Variants in COG5 observed in about 807,000 individuals in gnomAD.
The protein encoded by COG5 is component of oligomeric golgi complex 5, also known as conserved oligomeric Golgi complex subunit 5.
In COG5, 86 loss-of-function variants were observed where a neutral mutation model predicts 110.4. The ratio of observed to expected loss-of-function variants is 0.78; its 90% confidence interval spans 0.65 to 0.93. The LOEUF (loss-of-function observed/expected upper bound fraction) is 0.93, where lower values mean the gene tolerates loss of function less well. COG5 is among the 40% of genes least tolerant of loss of function. COG5 has a pLI of 0.00. For missense variants in COG5, 1,077 were observed against 987.0 expected (o/e 1.09, Z -1.22); for synonymous variants, 360 against 334.6 (o/e 1.08, Z -0.83).
In COG5 at chr7:107,501,887, T is replaced by C. The variant is rs1798657715; in HGVS notation, c.538+25350A>G. 2.6e-5 allele frequency among the ~76,000 whole-genome samples: 4 copies of C among 152,210 alleles called. No homozygotes were observed. The South Asian group carries it at 6.2e-4, about 24-fold the overall frequency. On this transcript the variant is annotated intron_variant, in intron 6 of 21. Transcript: ENST00000297135. ...TTATAATCTGTCATTACACTGTAGA[T>C]ATACACATATACATTACATTAACTA...
At chr7:107,350,307 G>A (rs1358422049) in intron 10 of COG5, among the ~76,000 whole-genome samples, 1 of 151,996 alleles carries the variant, frequency 6.6e-6, no homozygotes, top group South Asian at 2.1e-4. Flanking sequence ...CCTCTAATTT[G>A]CTCTTTAGCT....
chr7:107,297,830 T>C, intron 12 of COG5, among the ~76,000 whole-genome samples: 1 of 152,102 alleles, frequency 6.6e-6, no homozygotes, highest in East Asian at 1.9e-4. Flanking sequence ...TCTGAGGTAA[T>C]TACAGGTATA....
intron 17 of COG5, among the ~76,000 whole-genome samples, chr7:107,244,468 A>G (rs1230627269): frequency 6.6e-6 from 1 of 152,240 alleles, no homozygotes; most frequent in East Asian, 1.9e-4. Context: ...GAGATGTAAC[A>G]GAAATCAGAG....
At chr7:107,317,500 A>G (rs1369969629) in intron 11 of COG5, among the ~76,000 whole-genome samples, 4 of 152,208 alleles carry the variant, frequency 2.6e-5, no homozygotes, top group Admixed American at 6.5e-5. Flanking sequence ...CCTATTCTCT[A>G]AAGCCAGGCT....
At chr7:107,233,175 T>C (rs933114187) in intron 18 of COG5, among the ~76,000 whole-genome samples, 1 of 152,204 alleles carries the variant, frequency 6.6e-6, no homozygotes, top group African/African-American at 2.4e-5. Flanking sequence ...ATAGCCACTC[T>C]TTCCTTCAGC....
Position 107,252,818 on chromosome 7 carries a change from T to A in COG5, c.1749+3914A>T, listed in dbSNP as rs534032795. The stretch of plus-strand genomic sequence containing the variant: ...ATAAAAGAGTAGAGCCATATGATTA[T>A]TTCAATAGATGCAGAAAAAGCTATT... On this transcript the variant is annotated intron_variant, in intron 16 of 21. Transcript: ENST00000297135. Among the ~76,000 whole-genome samples, 10 of 152,276 alleles carry A rather than the reference T, an allele frequency of 6.6e-5. 3 individuals are homozygous for A. Among genetic ancestry groups the A allele is most frequent in the African/African-American group, 2.4e-4 (10 of 41,568 alleles).
At chr7:107,219,555 A>G (rs767187557) in intron 19 of COG5, among the ~76,000 whole-genome samples, 8 of 152,196 alleles carry the variant, frequency 5.3e-5, no homozygotes, top group Admixed American at 3.3e-4. Context: ...CCTGGAGGAC[A>G]TTACGTTAAG....
At chr7:107,218,255 T>C (rs1274709042) in intron 19 of COG5, among the ~76,000 whole-genome samples, 2 of 152,096 alleles carry the variant, frequency 1.3e-5, no homozygotes, top group African/African-American at 4.8e-5. Context: ...AGAATTAATA[T>C]TGTTAAAATG....
intron 10 of COG5, among the ~76,000 whole-genome samples, chr7:107,335,323 G>A (rs961474299): frequency 2.0e-5 from 3 of 152,140 alleles, no homozygotes; most frequent in Non-Finnish European, 4.4e-5. Flanking sequence ...CCGGGAAGTG[G>A]AGGTTGCGGT....
intron 7 of COG5, among the ~76,000 whole-genome samples, chr7:107,388,175 T>TCC (rs1172648391): frequency 2.0e-5 from 3 of 152,278 alleles, no homozygotes; most frequent in Middle Eastern, 3.4e-3. Flanking sequence ...ACAGGCAATC[T>TCC]CCACACGTGT....
intron 6 of COG5, among the ~76,000 whole-genome samples, chr7:107,465,054 G>A (rs535770456): frequency 6.6e-6 from 1 of 152,260 alleles, no homozygotes; most frequent in African/African-American, 2.4e-5. Context: ...AGAATGTTCA[G>A]GGATATTCAG....
intron 6 of COG5, among the ~76,000 whole-genome samples, chr7:107,506,086 G>T (rs575069000): frequency 2.0e-5 from 3 of 152,202 alleles, no homozygotes; most frequent in Non-Finnish European, 2.9e-5. Context: ...TATGTGGACA[G>T]ACTCAGGACC....
intron 6 of COG5, among the ~76,000 whole-genome samples, chr7:107,502,677 T>C (rs114443904): frequency 3.2e-4 from 49 of 152,142 alleles, no homozygotes; most frequent in African/African-American, 1.2e-3. Flanking sequence ...AAACATCTAT[T>C]GTATTTTGAC....
intron 14 of COG5, among the ~76,000 whole-genome samples, chr7:107,269,474 C>CAAA (rs200139122): frequency 1.1e-5 from 1 of 88,500 alleles, no homozygotes; most frequent in African/African-American, 4.0e-5. Context: ...GACTCCGTCT[C>CAAA]AAAAAAAAAA....
chr7:107,430,614 A>G (rs922239262), intron 6 of COG5, among the ~76,000 whole-genome samples: 8 of 152,168 alleles, frequency 5.3e-5, no homozygotes, highest in African/African-American at 1.9e-4. Context: ...TCCAGTATGA[A>G]TTTTAGGATC....
intron 8 of COG5, among the ~76,000 whole-genome samples, chr7:107,369,057 C>T (rs747229591): frequency 6.6e-6 from 1 of 152,148 alleles, no homozygotes. Context: ...CCTCAGCATC[C>T]CAAGTAGCTG....
At chr7:107,276,381 T>G (rs1241444824) in intron 14 of COG5, among the ~76,000 whole-genome samples, 1 of 152,156 alleles carries the variant, frequency 6.6e-6, no homozygotes, top group Admixed American at 6.5e-5. Flanking sequence ...ATTCAAACTT[T>G]CCATTGTGGC....
At chr7:107,260,056 C>A (rs765017921) in intron 14 of COG5, among the ~76,000 whole-genome samples, 15 of 124,554 alleles carry the variant, frequency 1.2e-4, no homozygotes, top group Non-Finnish European at 2.7e-4. Context: ...CCATGTGACA[C>A]AGCAGTTCAA....
chr7:107,337,575 TA>T (rs1810810678), intron 10 of COG5, among the ~76,000 whole-genome samples: 1 of 151,796 alleles, frequency 6.6e-6, no homozygotes, highest in Non-Finnish European at 1.5e-5. Context: ...ATATATGGCA[TA>T]TATGGGAGCT....
Sources: allele counts gnomAD v4.1 joint callset (sites outside exome capture counted in the v4.1 genomes callset), GRCh38; gene constraint gnomAD v4.1.1; transcripts MANE v1.5; gene names NCBI Gene and HGNC (gene_info 2026-07-23, HGNC 2026-07-21).